Variants in PRKAR1A observed in about 807,000 individuals in gnomAD.
PRKAR1A encodes cAMP-dependent protein kinase type I-alpha regulatory subunit.
PRKAR1A carries 3 observed loss-of-function variants against 52.0 expected under a neutral mutation model. The ratio of observed to expected loss-of-function variants is 0.06; its 90% CI spans 0.03 to 0.15. PRKAR1A has a LOEUF of 0.15. PRKAR1A is among the 10% of genes least tolerant of loss of function. PRKAR1A has a pLI of 1.00. For synonymous variants in PRKAR1A, 188 were observed against 168.4 expected, an observed-to-expected ratio of 1.12 and a Z score of -0.90; for missense variants, 240 against 477.4, an observed-to-expected ratio of 0.50 and a Z score of 4.63.
intron 2 of PRKAR1A, among the ~76,000 whole-genome samples, chr17:68,520,586 G>A (rs1395440519): frequency 6.6e-6 from 1 of 152,152 alleles, no homozygotes; most frequent in Non-Finnish European, 1.5e-5. Flanking sequence ...AAAGAGCTGA[G>A]GAGGAAGGAG....
chr17:68,484,505 TCCTTTCTGATATGGATG>T, the PRKAR1A span, among the ~76,000 whole-genome samples: 2 of 152,158 alleles, frequency 1.3e-5, no homozygotes, highest in East Asian at 3.8e-4. Flanking sequence ...TTTTACTTCT[TCCTTTCTGATATGGATG>T]CCTTTTATTT....
intron 2 of PRKAR1A, among the ~76,000 whole-genome samples, chr17:68,519,841 T>A (rs1215148993): frequency 6.6e-6 from 1 of 152,212 alleles, no homozygotes; most frequent in Non-Finnish European, 1.5e-5. Context: ...GTGAAGCACT[T>A]TATATACATA....
the PRKAR1A span, chr17:68,430,246 C>A: frequency 1.5e-6 from 2 of 1,368,946 alleles, no homozygotes; most frequent in Non-Finnish European, 2.0e-6. Context: ...CGTCATTAGC[C>A]ACACTCCCCG....
At chr17:68,448,810 C>A in the PRKAR1A span, among the ~76,000 whole-genome samples, 1 of 152,220 alleles carries the variant, frequency 6.6e-6, no homozygotes, top group Non-Finnish European at 1.5e-5. Flanking sequence ...CAACAGATTT[C>A]AGTGAAAACA....
At chr17:68,424,770 G>A in the PRKAR1A span, among the ~76,000 whole-genome samples, 3 of 152,134 alleles carry the variant, frequency 2.0e-5, no homozygotes, top group South Asian at 6.2e-4. Context: ...GCAGCTACTC[G>A]GGAGGCTGAG....
In PRKAR1A at chr17:68,533,221, T is replaced by A; in HGVS notation, c.*2772T>A. On this transcript the variant is annotated 3_prime_UTR_variant, in exon 11 of 11. Coordinates refer to ENST00000589228, the MANE Select transcript of PRKAR1A (RefSeq NM_002734.5). Reference sequence around the variant, plus strand: ...AGCCTTATTTCTGATGCTCTTAGATTTCTGAGGAGTGAGATGATTAAGTTG... The same window carrying A: ...AGCCTTATTTCTGATGCTCTTAGATATCTGAGGAGTGAGATGATTAAGTTG... 1 of 1,058,910 alleles carries A rather than the reference T, an allele frequency of 9.4e-7. No homozygotes were observed. Among genetic ancestry groups the A allele is most frequent in the Non-Finnish European group, 1.1e-6 (1 of 873,746 alleles). 65.6% of individuals were successfully genotyped at this position (1,058,910 alleles called of 1,614,324 possible).
chr17:68,458,273 A>G, the PRKAR1A span, among the ~76,000 whole-genome samples: 1 of 152,236 alleles, frequency 6.6e-6, no homozygotes, highest in African/African-American at 2.4e-5. Flanking sequence ...AATATACAGA[A>G]GAGGCAACTG....
At chr17:68,497,823 C>A in the PRKAR1A span, among the ~76,000 whole-genome samples, 2 of 151,868 alleles carry the variant, frequency 1.3e-5, no homozygotes, top group African/African-American at 4.8e-5. Context: ...TGCTGCCTCA[C>A]GAAAGACAAG....
At chr17:68,457,012 C>T in the PRKAR1A span, among the ~76,000 whole-genome samples, 10 of 152,198 alleles carry the variant, frequency 6.6e-5, no homozygotes, top group African/African-American at 2.4e-4. Flanking sequence ...CCCAGACACC[C>T]ACTTTGGTCA....
the PRKAR1A span, among the ~76,000 whole-genome samples, chr17:68,419,061 A>G: frequency 1.3e-5 from 2 of 151,236 alleles, no homozygotes; most frequent in African/African-American, 4.9e-5. Flanking sequence ...AGAGCCAAGG[A>G]AGCTGCTATC....
chr17:68,436,610 C>A, the PRKAR1A span: 2 of 724,522 alleles, frequency 2.8e-6, no homozygotes, highest in Non-Finnish European at 4.5e-6. Context: ...TTGCAGACAA[C>A]TGCTTTCCGC....
the PRKAR1A span, among the ~76,000 whole-genome samples, chr17:68,453,391 C>G: frequency 6.6e-6 from 1 of 152,106 alleles, no homozygotes; most frequent in Admixed American, 6.5e-5. Flanking sequence ...GTCTGAGAGG[C>G]ACTTTACCAG....
intron 8 of PRKAR1A, among the ~76,000 whole-genome samples, chr17:68,528,246 G>T (rs931810154): frequency 2.0e-5 from 3 of 152,168 alleles, no homozygotes; most frequent in Non-Finnish European, 4.4e-5. Context: ...ATTCTTTTGT[G>T]CATTTTGTTA....
chr17:68,498,974 G>T, the PRKAR1A span, among the ~76,000 whole-genome samples: 18 of 152,132 alleles, frequency 1.2e-4, no homozygotes, highest in Non-Finnish European at 1.5e-5. Flanking sequence ...ACATGACTTG[G>T]GCAAGTTGTG....
At chr17:68,551,131 G>A in exon 12 of PRKAR1A, 1 of 1,234,154 alleles carries the variant, frequency 8.1e-7, no homozygotes, top group Non-Finnish European at 1.0e-6. Flanking sequence ...CTAAGGCACT[G>A]GGGCCGAACT....
chr17:68,535,992 GA>G, downstream of PRKAR1A: 1 of 454,128 alleles, frequency 2.2e-6, no homozygotes, highest in Non-Finnish European at 4.4e-6. Flanking sequence ...ATCTGTGTTT[GA>G]GAGGATTGGA....
chr17:68,548,750 T>TG (rs1491230216), intron 11 of PRKAR1A, among the ~76,000 whole-genome samples: 2 of 139,262 alleles, frequency 1.4e-5, no homozygotes, highest in East Asian at 2.1e-4. Flanking sequence ...TTTTTTTTTT[T>TG]GAGACAGAAT....
chr17:68,528,833 A>G (rs1477457709), intron 8 of PRKAR1A, 37 bp from the exon 9 acceptor site: 2 of 1,612,206 alleles, frequency 1.2e-6, no homozygotes, highest in Admixed American at 1.7e-5. Context: ...ACAGCACCAA[A>G]TAATACAGAG....
chr17:68,530,896 T>C lies in PRKAR1A; in HGVS notation c.*447T>C, dbSNP rs2085956941. 8.9e-7 allele frequency: 1 copy of C among 1,126,790 alleles called. No homozygotes were observed. The highest frequency in any genetic ancestry group is 1.6e-5 in the African/African-American group (1 of 63,370). The allele number at this position is 1,126,790 out of a possible 1,614,324, so 69.8% of individuals were successfully genotyped here. ...TAGAATAAATGGTTTCTCATTAAACTCTAAAGATTAGGGAAAATGGATATA... is the reference window on the plus strand; with the variant it reads ...TAGAATAAATGGTTTCTCATTAAACCCTAAAGATTAGGGAAAATGGATATA... On this transcript the variant is annotated 3_prime_UTR_variant, in exon 11 of 11. Transcript: ENST00000589228.
Sources: gnomAD v4.1 joint callset for allele counts (sites outside exome capture counted in the v4.1 genomes callset) on GRCh38, gnomAD v4.1.1 for gene constraint, MANE v1.5 for transcripts, NCBI Gene and HGNC (gene_info 2026-07-23, HGNC 2026-07-21) for gene names.